Variants in SMG6 observed in about 807,000 individuals in gnomAD.
The protein encoded by SMG6 is SMG6 nonsense mediated mRNA decay factor, also known as telomerase-binding protein EST1A.
Under a neutral mutation model 142.2 loss-of-function variants are expected in SMG6, and 66 were observed. That is an observed-to-expected ratio of 0.46 (90% CI 0.38 to 0.57). SMG6 has a LOEUF of 0.57. Ranked by LOEUF, SMG6 falls within the 20% of genes least tolerant of loss-of-function variation. The pLI, the probability that SMG6 is intolerant of heterozygous loss-of-function variation, is 0.00. For synonymous variants in SMG6, 779 were observed against 702.4 expected (o/e 1.11, Z -1.72); for missense variants, 1,793 against 1,832.0 (o/e 0.98, Z 0.39).
At chr17:2,285,759 C>T (rs938625828) in intron 6 of SMG6, among the ~76,000 whole-genome samples, 3 of 152,240 alleles carry the variant, frequency 2.0e-5, no homozygotes, top group African/African-American at 7.2e-5. Flanking sequence ...CTGCAAACTC[C>T]ACCTCCCGGA....
At chr17:2,175,018 C>T (rs2071615466) in intron 12 of SMG6, among the ~76,000 whole-genome samples, 1 of 152,094 alleles carries the variant, frequency 6.6e-6, no homozygotes, top group Admixed American at 6.5e-5. Flanking sequence ...AGACAAGCAC[C>T]GGATGTGATA....
intron 12 of SMG6, chr17:2,173,081 G>A (rs750177404): frequency 7.8e-5 from 44 of 563,038 alleles, no homozygotes; most frequent in African/African-American, 4.5e-4. Context: ...TGATTAGGGG[G>A]AGTTTTTAAT....
intron 13 of SMG6, among the ~76,000 whole-genome samples, chr17:2,105,139 C>G (rs985035938): frequency 1.4e-3 from 199 of 139,784 alleles, no homozygotes; most frequent in African/African-American, 5.3e-3. Flanking sequence ...GTTACCCAGG[C>G]TGCTCTCAAA....
intron 6 of SMG6, among the ~76,000 whole-genome samples, chr17:2,289,936 T>TTATATA (rs1169983925): frequency 4.9e-5 from 4 of 81,790 alleles, no homozygotes; most frequent in African/African-American, 2.8e-4. Flanking sequence ...AATTATTATT[T>TTATATA]TATACATATA....
intron 13 of SMG6, among the ~76,000 whole-genome samples, chr17:2,112,521 T>C (rs1233901107): frequency 2.2e-5 from 2 of 90,372 alleles, no homozygotes; most frequent in Non-Finnish European, 4.1e-5. Flanking sequence ...AAAAATAAAA[T>C]AAAAAATAAA....
chr17:2,100,916 T>A (rs2068989852), intron 13 of SMG6, among the ~76,000 whole-genome samples: 1 of 151,936 alleles, frequency 6.6e-6, no homozygotes, highest in Non-Finnish European at 1.5e-5. Context: ...CCTCCCAAAG[T>A]GCTGGGATTA....
chr17:2,274,098 G>C (rs1233598288), intron 8 of SMG6, among the ~76,000 whole-genome samples: 1 of 152,224 alleles, frequency 6.6e-6, no homozygotes, highest in African/African-American at 2.4e-5. Flanking sequence ...AAGTTTTAAT[G>C]GAATACAGTC....
intron 8 of SMG6, among the ~76,000 whole-genome samples, chr17:2,279,706 C>T (rs1326795252): frequency 3.9e-5 from 6 of 152,114 alleles, no homozygotes; most frequent in Admixed American, 3.3e-4. Flanking sequence ...GTGGTACTGA[C>T]TGGATGTGGG....
rs1567561807 is a variant in SMG6 at position 2,061,285 on chromosome 17, G to C, written c.*207C>G. 3.7e-6 allele frequency: 2 copies of C among 544,500 alleles called. No homozygotes were observed. Among genetic ancestry groups the C allele is most frequent in the African/African-American group, 1.9e-5 (1 of 52,176 alleles). The allele number at this position is 544,500 out of a possible 1,614,324, so 33.7% of individuals were successfully genotyped here. A position where few individuals can be genotyped will look rare whatever the true frequency, so the allele number is the denominator to read the frequency against. On this transcript the variant is annotated 3_prime_UTR_variant, in exon 19 of 19. Transcript: ENST00000263073. Reference sequence around the variant, plus strand: ...CTGCTAAATCCTGGCAGCCCAGGAGGGTCCCAGCAGCTTCCGCCCGATCCT... The same window carrying C: ...CTGCTAAATCCTGGCAGCCCAGGAGCGTCCCAGCAGCTTCCGCCCGATCCT...
chr17:2,083,608 G>A lies in SMG6; in HGVS notation c.3535-1652C>T, dbSNP rs996509415. Among the ~76,000 whole-genome samples the A allele has an allele frequency of 3.3e-5, 5 of 152,224 alleles. No homozygotes were observed. The South Asian group carries it at 8.3e-4, about 25-fold the overall frequency. On this transcript the variant is annotated intron_variant, in intron 14 of 18. Transcript: ENST00000263073. ...TAGTGTCACAGCGCTCACCTCCAGA[G>A]AGGCCCAGGCCGTGGAAAGAAGGAA...
chr17:2,080,834 A>G (rs1260592951), intron 15 of SMG6, among the ~76,000 whole-genome samples: 1 of 152,026 alleles, frequency 6.6e-6, no homozygotes, highest in Non-Finnish European at 1.5e-5. Flanking sequence ...ACAGGGTTTC[A>G]CCATGTTAGC....
chr17:2,266,851 G>A (rs1597743618), intron 8 of SMG6, among the ~76,000 whole-genome samples: 1 of 152,292 alleles, frequency 6.6e-6, no homozygotes, highest in East Asian at 1.9e-4. Flanking sequence ...TCTGGACAAA[G>A]CAGCCCCAAT....
chr17:2,141,216 A>G (rs1335404460), intron 13 of SMG6, among the ~76,000 whole-genome samples: 2 of 152,242 alleles, frequency 1.3e-5, no homozygotes, highest in Non-Finnish European at 2.9e-5. Flanking sequence ...TTACAGTACT[A>G]AACACTGCAT....
intron 10 of SMG6, among the ~76,000 whole-genome samples, chr17:2,196,633 C>G (rs2072337201): frequency 6.6e-6 from 1 of 152,154 alleles, no homozygotes; most frequent in African/African-American, 2.4e-5. Flanking sequence ...TAGATAAAGA[C>G]AAGCTTATTC....
chr17:2,289,078 CAA>C (rs34494754), intron 6 of SMG6, among the ~76,000 whole-genome samples: 203 of 87,928 alleles, frequency 2.3e-3, no homozygotes, highest in Admixed American at 3.6e-3. Flanking sequence ...GACTCTGTCT[CAA>C]AAAAAAAAAA....
chr17:2,277,132 C>CATTTATTT (rs3054906), intron 8 of SMG6, among the ~76,000 whole-genome samples: 5 of 133,884 alleles, frequency 3.7e-5, no homozygotes, highest in Non-Finnish European at 7.9e-5. Context: ...AGTATTTACA[C>CATTTATTT]ATTTATTTAT....
At chr17:2,189,106 A>C (rs2072083560) in intron 10 of SMG6, among the ~76,000 whole-genome samples, 1 of 152,226 alleles carries the variant, frequency 6.6e-6, no homozygotes, top group African/African-American at 2.4e-5. Flanking sequence ...AATTTTATGC[A>C]GAACAGTGCT....
At chr17:2,150,128 T>C (rs1026388094) in intron 13 of SMG6, among the ~76,000 whole-genome samples, 3 of 152,214 alleles carry the variant, frequency 2.0e-5, no homozygotes, top group South Asian at 2.1e-4. Flanking sequence ...CAAGACCGCC[T>C]GAGCTCCGCC....
At chr17:2,096,272 C>T (rs1236104480) in intron 13 of SMG6, among the ~76,000 whole-genome samples, 9 of 152,210 alleles carry the variant, frequency 5.9e-5, no homozygotes, top group East Asian at 3.9e-4. Context: ...GGCGCGATCT[C>T]GGCTCACTGC....
Sources: gnomAD v4.1 joint callset for allele counts (sites outside exome capture counted in the v4.1 genomes callset) on GRCh38, gnomAD v4.1.1 for gene constraint, MANE v1.5 for transcripts, NCBI Gene and HGNC (gene_info 2026-07-23, HGNC 2026-07-21) for gene names.